The following CDH23 variants were observed in gnomAD, a reference collection of about 807,000 sequenced individuals.
The protein encoded by CDH23 is cadherin-23.
In CDH23, 189 loss-of-function variants were observed where a neutral mutation model predicts 317.1. The observed-to-expected ratio is 0.60, with a 90% CI of 0.53 to 0.67. The LOEUF is 0.67. Among genes scored for constraint, CDH23 ranks in the 30% least tolerant of loss-of-function variants. The probability of loss-of-function intolerance (pLI) is 0.00; values close to 1 mark genes in which losing one functional copy is unlikely to be tolerated. For synonymous variants in CDH23, 1,839 were observed against 1,876.8 expected (o/e 0.98, Z 0.52); for missense variants, 4,401 against 4,592.4 (o/e 0.96, Z 1.20).
At chr10:71,527,125 G>A (rs1855085200) in intron 6 of CDH23, among the ~76,000 whole-genome samples, 1 of 152,198 alleles carries the variant, frequency 6.6e-6, no homozygotes, top group African/African-American at 2.4e-5. Context: ...GGTCAGCGTA[G>A]GACAGAGTGG....
At chr10:71,615,474 G>A in intron 9 of CDH23, 30 bp from the exon 10 acceptor site, 1 of 1,563,700 alleles carries the variant, frequency 6.4e-7, no homozygotes, top group Non-Finnish European at 8.8e-7. Context: ...CCTGTGCCTG[G>A]TCACACCTGA....
At chr10:71,612,855 C>T (rs1011389077) in intron 9 of CDH23, among the ~76,000 whole-genome samples, 2 of 152,156 alleles carry the variant, frequency 1.3e-5, no homozygotes, top group East Asian at 1.9e-4. Flanking sequence ...TAAAATGTAT[C>T]GCCATTTGTT....
At chr10:71,542,957 A>C (rs75996351) in intron 6 of CDH23, among the ~76,000 whole-genome samples, 1 of 152,206 alleles carries the variant, frequency 6.6e-6, no homozygotes, top group Middle Eastern at 3.2e-3. Flanking sequence ...GTGGGGGACA[A>C]CCACCAAAAA....
chr10:71,712,875 C>T, intron 28 of CDH23, 62 bp downstream of exon 28: 1 of 1,566,662 alleles, frequency 6.4e-7, no homozygotes, highest in South Asian at 1.2e-5. Context: ...CACACACGGC[C>T]CTGAGGGCAC....
intron 3 of CDH23, among the ~76,000 whole-genome samples, chr10:71,487,191 A>G (rs1852395176): frequency 6.6e-6 from 1 of 152,210 alleles, no homozygotes; most frequent in Non-Finnish European, 1.5e-5. Flanking sequence ...ACTGTCAGAG[A>G]TATAGCAAAG....
At chr10:71,474,662 C>T (rs912957102) in intron 3 of CDH23, among the ~76,000 whole-genome samples, 15 of 152,334 alleles carry the variant, frequency 9.8e-5, no homozygotes, top group African/African-American at 2.9e-4. Flanking sequence ...AGTGCATTGC[C>T]ACGATCGTTG....
At chr10:71,425,306 G>A (rs561469917) in intron 1 of CDH23, among the ~76,000 whole-genome samples, 1 of 139,262 alleles carries the variant, frequency 7.2e-6, no homozygotes, top group East Asian at 2.2e-4. Context: ...AGGAGGAGAA[G>A]GAAGGGAAGG....
At chr10:71,606,972 G>A (rs1043430505) in intron 9 of CDH23, among the ~76,000 whole-genome samples, 3 of 152,182 alleles carry the variant, frequency 2.0e-5, no homozygotes, top group African/African-American at 7.2e-5. Flanking sequence ...AACCCACACC[G>A]CTGGCTGCCA....
intron 9 of CDH23, among the ~76,000 whole-genome samples, chr10:71,604,943 G>A (rs773214998): frequency 1.3e-5 from 2 of 152,250 alleles, no homozygotes; most frequent in Non-Finnish European, 2.9e-5. Flanking sequence ...TGCCCTCAGG[G>A]AGATTAAATC....
chr10:71,446,115 C>T (rs1234809502), intron 2 of CDH23, among the ~76,000 whole-genome samples: 1 of 152,198 alleles, frequency 6.6e-6, no homozygotes, highest in South Asian at 2.1e-4. Context: ...ACTTGCCACA[C>T]ACCAGACAGC....
At position 71,793,271 on chromosome 10, in the gene CDH23, C is replaced by G. The variant is rs375329233; in HGVS notation, c.6343C>G (p.Arg2115Gly). ...VYRIEAGAQD[R>G]FLIHLVTGVI... ...CCGAATAGAAGCTGGGGCTCAGGAC[C>G]GCTTCCTCATTCATCTGGTCACCGG... is the stretch of plus-strand genomic sequence containing the variant. Residue 2115 changes from arginine (R) to glycine (G), a missense_variant, in exon 48 of 70, where the codon CGC (arginine) becomes GGC (glycine). Around this residue, in one of 3 missense-constraint regions of CDH23, gnomAD observed 3,068 missense variants for 3,203.3 expected, o/e 0.96. Transcript: ENST00000224721. The G allele has an allele frequency of 1.9e-6, 3 of 1,613,902 alleles. No homozygotes were observed. The highest frequency in any genetic ancestry group is 8.5e-7 in the Non-Finnish European group (1 of 1,179,876).
Position 71,570,785 on chromosome 10 carries a change from C to T in CDH23, c.625-5C>T, listed in dbSNP as rs1379258491. 12 of 1,607,076 alleles carry T rather than the reference C, an allele frequency of 7.5e-6. No individual in the cohort carries two copies. The East Asian group carries it at 2.7e-4, about 36-fold the overall frequency. On this transcript the variant is annotated splice_polypyrimidine_tract_variant and splice_region_variant and intron_variant, in intron 7 of 69. Transcript: ENST00000224721. ...TAAGGCTGTGTGTTCTCTCCGCTCTCTAAGGATCAAGACAAGACCAGGCCT... is the reference window on the plus strand; with the variant it reads ...TAAGGCTGTGTGTTCTCTCCGCTCTTTAAGGATCAAGACAAGACCAGGCCT...
intron 24 of CDH23, 64 bp from the exon 25 acceptor site, chr10:71,704,847 T>A: frequency 7.7e-7 from 1 of 1,291,312 alleles, no homozygotes. Context: ...GAGCACTTCT[T>A]GGGGGAGAAG....
intron 19 of CDH23, among the ~76,000 whole-genome samples, chr10:71,688,814 G>A: frequency 6.1e-5 from 1 of 16,306 alleles, no homozygotes; most frequent in East Asian, 1.5e-3. Flanking sequence ...AGCCAACGGT[G>A]GTGGAGCCAG....
chr10:71,658,293 G>A (rs1228720854), intron 14 of CDH23, among the ~76,000 whole-genome samples: 1 of 150,684 alleles, frequency 6.6e-6, no homozygotes, highest in Non-Finnish European at 1.5e-5. Flanking sequence ...AGCGAGAGAT[G>A]GAGAGAGAGA....
chr10:71,738,195 C>T (rs1434767156), intron 34 of CDH23, among the ~76,000 whole-genome samples: 1 of 152,190 alleles, frequency 6.6e-6, no homozygotes, highest in Non-Finnish European at 1.5e-5. Flanking sequence ...TAGCCATGGC[C>T]TGGCTTTTCA....
In CDH23 at chr10:71,806,014, G is replaced by C. The variant is rs746061082; in HGVS notation, c.8064+17G>C. 1.1e-5 allele frequency: 17 copies of C among 1,592,126 alleles called. No homozygotes were observed. Among genetic ancestry groups the C allele is most frequent in the Non-Finnish European group, 1.5e-5 (17 of 1,170,830 alleles). On this transcript the variant is annotated intron_variant, in intron 56 of 69. Coordinates refer to ENST00000224721, the MANE Select transcript of CDH23 (RefSeq NM_022124.6). ...GTGTACAGCGTAAGGGCGGGGCCCGGTGCGAGGGGCGGGGTCTGGGGCGGG... is the reference window on the plus strand; with the variant it reads ...GTGTACAGCGTAAGGGCGGGGCCCGCTGCGAGGGGCGGGGTCTGGGGCGGG...
intron 9 of CDH23, among the ~76,000 whole-genome samples, chr10:71,614,798 C>T (rs1028186479): frequency 2.6e-5 from 4 of 151,916 alleles, no homozygotes; most frequent in Non-Finnish European, 4.4e-5. Context: ...AACCCAAGGA[C>T]GCCAGTGTGA....
chr10:71,612,089 C>G (rs757694250), intron 9 of CDH23, among the ~76,000 whole-genome samples: 13 of 152,170 alleles, frequency 8.5e-5, no homozygotes, highest in Non-Finnish European at 7.3e-5. Flanking sequence ...GAGCATCTCA[C>G]TGAGTCAGTC....
Sources: gnomAD v4.1 joint callset for allele counts (sites outside exome capture counted in the v4.1 genomes callset) on GRCh38, gnomAD v4.1.1 for gene constraint, gnomAD v4.1.1 regional missense constraint, MANE v1.5 for transcripts, NCBI Gene and HGNC (gene_info 2026-07-23, HGNC 2026-07-21) for gene names.